Variants in TRPA1 observed in about 807,000 individuals in gnomAD.
TRPA1 encodes ankyrin-like with transmembrane domains 1.
TRPA1 carries 129 observed loss-of-function variants against 131.3 expected under a neutral mutation model. That is an observed-to-expected ratio of 0.98 (90% CI 0.85 to 1.14). The LOEUF is 1.14. Ranked by LOEUF, TRPA1 falls within the 50% of genes most tolerant of loss-of-function variation. The pLI, the probability that TRPA1 is intolerant of heterozygous loss-of-function variation, is 0.00. For missense variants in TRPA1, 1,304 were observed against 1,354.2 expected (o/e 0.96, Z 0.58); for synonymous variants, 441 against 451.7 (o/e 0.98, Z 0.30).
chr8:72,034,223 T>C (rs1016088421), intron 22 of TRPA1, 25 bp downstream of exon 22: 10 of 1,591,050 alleles, frequency 6.3e-6, no homozygotes, highest in Non-Finnish European at 8.5e-6. Flanking sequence ...AGCGACAAAA[T>C]CAACTACTGA....
chr8:72,031,594 CA>C (rs59300122), intron 23 of TRPA1, among the ~76,000 whole-genome samples: 49 of 144,782 alleles, frequency 3.4e-4, no homozygotes, highest in East Asian at 2.2e-3. Context: ...AACAAAAAAA[CA>C]AAAAAAAAAC....
chr8:72,059,084 G>T lies in TRPA1; in HGVS notation c.993+306C>A, dbSNP rs116523312. On this transcript the variant is annotated intron_variant, in intron 8 of 26. Coordinates refer to ENST00000262209, the MANE Select transcript of TRPA1 (RefSeq NM_007332.3). The stretch of plus-strand genomic sequence containing the variant: ...GGGCACCGCCCAAGCTCACACTCCC[G>T]GAAGACCCTCTTACAGGCCATGGGA... Among the ~76,000 whole-genome samples, 388 of 152,272 alleles carry T rather than the reference G, an allele frequency of 2.5e-3. 4 individuals carry two copies. Among genetic ancestry groups the T allele is most frequent in the African/African-American group, 8.4e-3 (351 of 41,548 alleles).
upstream of TRPA1, among the ~76,000 whole-genome samples, chr8:72,079,069 TC>T (rs1806241211): frequency 4.6e-5 from 7 of 152,032 alleles, no homozygotes; most frequent in Admixed American, 3.9e-4. Flanking sequence ...TTTATTAAAT[TC>T]TTTTGCCTCT....
Position 72,059,398 on chromosome 8 carries a change from TTAAA to T in TRPA1, c.981_984del (p.Tyr327Ter), listed in dbSNP as rs1217915791. On this transcript the variant is annotated frameshift_variant, in exon 8 of 27. Transcript: ENST00000262209. LOFTEE classifies it high-confidence loss of function. ...GTAAAAGGAATAGTTACCACTGAAA[TTAAA>T]TAGTCTGCTAGCTCATGGTGATCAA... The T allele has an allele frequency of 1.9e-6, 3 of 1,578,566 alleles. No homozygotes were observed. Among genetic ancestry groups the T allele is most frequent in the Non-Finnish European group, 2.6e-6 (3 of 1,153,994 alleles).
intron 4 of TRPA1, among the ~76,000 whole-genome samples, chr8:72,063,855 T>C (rs962498410): frequency 6.6e-6 from 1 of 152,192 alleles, no homozygotes; most frequent in African/African-American, 2.4e-5. Flanking sequence ...ATGGGATTAA[T>C]GAGATTTTTG....
At chr8:72,059,514 T>C in intron 7 of TRPA1, 76 bp from the exon 8 acceptor site, 1 of 911,596 alleles carries the variant, frequency 1.1e-6, no homozygotes, top group Non-Finnish European at 1.7e-6. Flanking sequence ...AAAGCTACTA[T>C]ATTCGGAAAG....
In TRPA1 at chr8:72,033,736, A is replaced by G; in HGVS notation, c.2776T>C (p.Tyr926His). The change falls in exon 23 of 27, where the codon TAT (tyrosine) becomes CAT (histidine). Residue 926 changes from tyrosine (Y) to histidine (H), a missense_variant. Transcript: ENST00000262209. ...INYRESFLEP[Y>H]LRNELAHPVL... is the part of the protein sequence containing the mutation. ...GGATGTGCCAATTCATTTCTCAGAT[A>G]TGGTTCTAGGAAGGACTCTCGATAA... The G allele has an allele frequency of 6.2e-7, 1 of 1,614,064 alleles. No homozygotes were observed. Among genetic ancestry groups the G allele is most frequent in the East Asian group, 2.2e-5 (1 of 44,846 alleles).
Position 72,046,520 on chromosome 8 carries a change from G to T in TRPA1, c.2054C>A (p.Ala685Asp). 2 of 1,570,492 alleles carry T rather than the reference G, an allele frequency of 1.3e-6. No individual in the cohort carries two copies. Among genetic ancestry groups the T allele is most frequent in the Non-Finnish European group, 1.7e-6 (2 of 1,145,952 alleles). Residue 685 changes from alanine (A) to aspartate (D), a missense_variant, in exon 17 of 27, where the codon GCC becomes GAC. Ala to Asp is a moderately radical substitution (Grantham distance 126). Coordinates refer to ENST00000262209, the MANE Select transcript of TRPA1 (RefSeq NM_007332.3). ...TQDVIYEPLT[A>D]LNAMVQNNRI... ...TGAAAACATTGAACTTACGTTGAGG[G>T]CTGTAAGCGGTTCATATATAACATC...
At chr8:72,058,775 A>G (rs541302203) in intron 8 of TRPA1, among the ~76,000 whole-genome samples, 3 of 152,320 alleles carry the variant, frequency 2.0e-5, no homozygotes, top group East Asian at 1.9e-4. Context: ...CACACGTTCA[A>G]TACTACAAAT....
chr8:72,065,394 C>A, intron 4 of TRPA1, 57 bp downstream of exon 4: 1 of 1,309,938 alleles, frequency 7.6e-7, no homozygotes, highest in South Asian at 1.2e-5. Context: ...TAATAATAAT[C>A]CATGTTGTAT....
At chr8:72,076,993 G>C (rs564659882), upstream of TRPA1, among the ~76,000 whole-genome samples, 1 of 152,272 alleles carries the variant, frequency 6.6e-6, no homozygotes, top group South Asian at 2.1e-4. Flanking sequence ...TCCCAGGGTT[G>C]GGTAAAAAGA....
chr8:72,076,148 C>T (rs973961233), upstream of TRPA1, among the ~76,000 whole-genome samples: 3 of 152,068 alleles, frequency 2.0e-5, no homozygotes, highest in African/African-American at 7.2e-5. Flanking sequence ...TAGATTAAGT[C>T]CCTGTGAATA....
At chr8:72,086,143 C>T in the TRPA1 span, among the ~76,000 whole-genome samples, 1 of 152,076 alleles carries the variant, frequency 6.6e-6, no homozygotes. Context: ...TCTCGTGATC[C>T]ACCCGCCTCA....
chr8:72,023,123 G>T lies in TRPA1; in HGVS notation c.3150-7C>A. On this transcript the variant is annotated splice_region_variant and splice_polypyrimidine_tract_variant and intron_variant, in intron 26 of 26. Coordinates refer to ENST00000262209, the MANE Select transcript of TRPA1 (RefSeq NM_007332.3). ...AAAAGTAAGATCCTTCAGCCTAAAA[G>T]GACATACACATTTCATGAATTTATT... is the stretch of plus-strand genomic sequence containing the variant. 1 of 1,611,290 alleles carries T rather than the reference G, an allele frequency of 6.2e-7. No individual in the cohort carries two copies. Among genetic ancestry groups the T allele is most frequent in the Non-Finnish European group, 8.5e-7 (1 of 1,178,968 alleles).
chr8:72,050,799 T>A lies in TRPA1; in HGVS notation c.1884A>T (p.Glu628Asp). 1 of 1,611,372 alleles carries A rather than the reference T, an allele frequency of 6.2e-7. No homozygotes were observed. The highest frequency in any genetic ancestry group is 8.5e-7 in the Non-Finnish European group (1 of 1,178,352). The change falls in exon 15 of 27, where the codon GAA becomes GAT. Residue 628 changes from glutamate (E) to aspartate (D), a missense_variant. Physicochemically the swap from Glu to Asp is conservative, Grantham distance 45. Coordinates refer to ENST00000262209, the MANE Select transcript of TRPA1 (RefSeq NM_007332.3). ...GNKCPITEMI[E>D]YLPECMKVLL... ...TTACCTTCATGCATTCAGGGAGGTA[T>A]TCTATCATTTCTGTAATTGGACATT...
intron 3 of TRPA1, among the ~76,000 whole-genome samples, chr8:72,067,148 T>G (rs1438495698): frequency 6.6e-6 from 1 of 152,034 alleles, no homozygotes; most frequent in Non-Finnish European, 1.5e-5. Context: ...CAGAGGAAGG[T>G]TTGAGGGACG....
the TRPA1 span, among the ~76,000 whole-genome samples, chr8:72,088,891 A>G: frequency 1.3e-5 from 2 of 152,198 alleles, no homozygotes; most frequent in East Asian, 3.8e-4. Context: ...CTTGGCAACC[A>G]TGATCTAGAG....
At chr8:72,054,489 A>G (rs1410553482) in intron 12 of TRPA1, 2 of 152,800 alleles carry the variant, frequency 1.3e-5, no homozygotes, top group Admixed American at 1.3e-4. Context: ...CATATTAGCT[A>G]TCTTTTTTCA....
At position 72,046,509 on chromosome 8, in the gene TRPA1, T is replaced by TTAC. The variant is rs1445718865; in HGVS notation, c.2061+1_2061+3dup. On this transcript the variant is annotated splice_donor_region_variant and intron_variant, in intron 17 of 26. Transcript: ENST00000262209. ...TATTTAGATAATGAAAACATTGAACTTACGTTGAGGGCTGTAAGCGGTTCA... is the reference window on the plus strand; with the variant it reads ...TATTTAGATAATGAAAACATTGAACTTACTACGTTGAGGGCTGTAAGCGGTTCA... 1 of 1,536,300 alleles carries TTAC rather than the reference T, an allele frequency of 6.5e-7. No individual in the cohort carries two copies. The highest frequency in any genetic ancestry group is 1.2e-5 in the South Asian group (1 of 82,008).
Sources: gnomAD v4.1 joint callset for allele counts (sites outside exome capture counted in the v4.1 genomes callset) on GRCh38, gnomAD v4.1.1 for gene constraint, MANE v1.5 for transcripts, NCBI Gene and HGNC (gene_info 2026-07-23, HGNC 2026-07-21) for gene names.